SGCD: variants seen among roughly 807,000 people sequenced by gnomAD.
SGCD encodes the protein delta-sarcoglycan.
SGCD carries 18 observed loss-of-function variants against 36.6 expected under a neutral mutation model. The observed-to-expected ratio is 0.49, with a 90% CI of 0.34 to 0.73. The LOEUF (loss-of-function observed/expected upper bound fraction) is 0.73, where lower values mean the gene tolerates loss of function less well. Among genes scored for constraint, SGCD ranks in the 30% least tolerant of loss-of-function variants. The pLI, the probability that SGCD is intolerant of heterozygous loss-of-function variation, is 0.01. For synonymous variants in SGCD, 133 were observed against 130.6 expected, an observed-to-expected ratio of 1.02 and a Z score of -0.12; for missense variants, 387 against 346.7, an observed-to-expected ratio of 1.12 and a Z score of -0.92.
At chr5:156,654,622 A>G (rs1292996538) in intron 7 of SGCD, among the ~76,000 whole-genome samples, 1 of 152,138 alleles carries the variant, frequency 6.6e-6, no homozygotes, top group East Asian at 1.9e-4. Context: ...TCATATTTTG[A>G]GGTATTAGTT....
intron 2 of SGCD, among the ~76,000 whole-genome samples, chr5:156,334,096 T>C (rs1415765278): frequency 6.6e-6 from 1 of 152,098 alleles, no homozygotes; most frequent in African/African-American, 2.4e-5. Context: ...CACTCTGATC[T>C]CAAGTGTTTG....
chr5:156,742,019 G>A (rs1262086888), intron 7 of SGCD, among the ~76,000 whole-genome samples: 4 of 152,032 alleles, frequency 2.6e-5, no homozygotes. Flanking sequence ...GGGACAACAG[G>A]CACCCACCAC....
In SGCD at chr5:156,764,313, C is replaced by T. The variant is rs1757548865; in HGVS notation, c.*4923C>T. 6.5e-6 allele frequency: 1 copy of T among 152,758 alleles called. No homozygotes were observed. Among genetic ancestry groups the T allele is most frequent in the South Asian group, 2.1e-4 (1 of 4,826 alleles). The allele number at this position is 152,758 out of a possible 1,614,324, so 9.5% of individuals were successfully genotyped here. On this transcript the variant is annotated 3_prime_UTR_variant, in exon 9 of 9. Transcript: ENST00000337851. Reference sequence around the variant, plus strand: ...ATTGGGATGTCAGATGCCTCTCTTTCTTTGTGGTAATCGGAATTTAAAATT... The same window carrying T: ...ATTGGGATGTCAGATGCCTCTCTTTTTTTGTGGTAATCGGAATTTAAAATT...
intron 3 of SGCD, among the ~76,000 whole-genome samples, chr5:156,470,435 T>G (rs1036062069): frequency 3.9e-5 from 6 of 152,136 alleles, no homozygotes; most frequent in Admixed American, 1.3e-4. Flanking sequence ...GCCGGTGTGC[T>G]GCACCCACTA....
chr5:155,829,543 A>G, the SGCD span, among the ~76,000 whole-genome samples: 1 of 152,236 alleles, frequency 6.6e-6, no homozygotes, highest in Non-Finnish European at 1.5e-5. Flanking sequence ...GGGAAGAATA[A>G]ATCAGAAGAA....
At chr5:156,297,732 A>G (rs940086960) in intron 3 of SGCD, among the ~76,000 whole-genome samples, 1 of 151,896 alleles carries the variant, frequency 6.6e-6, no homozygotes, top group African/African-American at 2.4e-5. Context: ...GCACATGTAT[A>G]CCTATGTAAC....
At chr5:155,989,825 C>T (rs184064455) in intron 1 of SGCD, among the ~76,000 whole-genome samples, 6 of 152,300 alleles carry the variant, frequency 3.9e-5, no homozygotes, top group Admixed American at 2.0e-4. Context: ...TTCATCTCAT[C>T]GCCATTGGGC....
intron 1 of SGCD, among the ~76,000 whole-genome samples, chr5:155,899,109 A>G (rs966825970): frequency 6.6e-6 from 1 of 152,180 alleles, no homozygotes; most frequent in Admixed American, 6.5e-5. Context: ...TGTGGCATTA[A>G]ACAACACTGA....
chr5:156,634,911 C>T (rs939103923), intron 6 of SGCD, among the ~76,000 whole-genome samples: 3 of 152,056 alleles, frequency 2.0e-5, no homozygotes, highest in Non-Finnish European at 2.9e-5. Context: ...TGGGTTATGT[C>T]AGATTGTCAT....
intron 7 of SGCD, among the ~76,000 whole-genome samples, chr5:156,750,041 CAGG>C (rs1451809853): frequency 6.6e-6 from 1 of 151,862 alleles, no homozygotes; most frequent in Non-Finnish European, 1.5e-5. Flanking sequence ...GCCAAAAACA[CAGG>C]AGTAGATAGT....
intron 1 of SGCD, among the ~76,000 whole-genome samples, chr5:156,095,060 C>T (rs1163372047): frequency 6.6e-6 from 1 of 152,100 alleles, no homozygotes; most frequent in East Asian, 1.9e-4. Flanking sequence ...TACTGTCTGA[C>T]CTTGTTAAAA....
intron 1 of SGCD, among the ~76,000 whole-genome samples, chr5:155,931,835 T>C (rs1757103132): frequency 6.6e-6 from 1 of 152,202 alleles, no homozygotes; most frequent in African/African-American, 2.4e-5. Flanking sequence ...CATGAAGTGG[T>C]AGCTTGTAAA....
intron 3 of SGCD, among the ~76,000 whole-genome samples, chr5:156,406,018 T>A (rs1273060553): frequency 7.7e-5 from 8 of 103,980 alleles, no homozygotes; most frequent in East Asian, 3.6e-4. Flanking sequence ...TATCTTTGCT[T>A]AAAAAAAAAA....
chr5:156,330,329 A>T (rs760693089), intron 2 of SGCD, among the ~76,000 whole-genome samples: 1 of 152,282 alleles, frequency 6.6e-6, no homozygotes, highest in African/African-American at 2.4e-5. Context: ...ACGTGCTGGT[A>T]CTGGGGGCAG....
chr5:156,300,285 T>C (rs1767018788), intron 3 of SGCD, among the ~76,000 whole-genome samples: 1 of 152,034 alleles, frequency 6.6e-6, no homozygotes, highest in South Asian at 2.1e-4. Flanking sequence ...TAGTACTGCT[T>C]TTGCTGTATC....
intron 7 of SGCD, among the ~76,000 whole-genome samples, chr5:156,651,551 T>C (rs1004411966): frequency 5.3e-5 from 8 of 152,144 alleles, no homozygotes; most frequent in African/African-American, 1.9e-4. Flanking sequence ...ATTTATTGAA[T>C]AGGGAATCCT....
chr5:156,087,665 G>A (rs77871579), intron 1 of SGCD, among the ~76,000 whole-genome samples: 4 of 147,788 alleles, frequency 2.7e-5, no homozygotes, highest in Non-Finnish European at 6.0e-5. Flanking sequence ...AAAAAAACTA[G>A]TTCCTTCTGA....
intron 4 of SGCD, among the ~76,000 whole-genome samples, chr5:156,531,467 C>T (rs1430150317): frequency 6.6e-6 from 1 of 152,174 alleles, no homozygotes; most frequent in Non-Finnish European, 1.5e-5. Context: ...AAGAAGATGA[C>T]TAACCCCAAT....
At chr5:155,804,572 A>G in the SGCD span, among the ~76,000 whole-genome samples, 11 of 152,300 alleles carry the variant, frequency 7.2e-5, no homozygotes, top group East Asian at 1.9e-3. Context: ...GTCATTCAGG[A>G]TAGACTCAGG....
Sources: allele counts gnomAD v4.1 joint callset (sites outside exome capture counted in the v4.1 genomes callset), GRCh38; gene constraint gnomAD v4.1.1; transcripts MANE v1.5; gene names NCBI Gene and HGNC (gene_info 2026-07-23, HGNC 2026-07-21).